Variants in DNAJC15 observed in about 807,000 individuals in gnomAD.
The protein encoded by DNAJC15 is dnaJ homolog subfamily C member 15.
A neutral mutation model predicts 22.4 loss-of-function variants in DNAJC15; 27 were observed. That is an observed-to-expected ratio of 1.20 (90% CI 0.89 to 1.66). The LOEUF is 1.66. DNAJC15 is among the 40% of genes most tolerant of loss of function. The pLI is 0.00. For synonymous variants in DNAJC15, 79 were observed against 63.2 expected, an observed-to-expected ratio of 1.25 and a Z score of -1.19; for missense variants, 208 against 187.1, an observed-to-expected ratio of 1.11 and a Z score of -0.65.
At chr13:43,085,136 G>A (rs1321648642) in intron 4 of DNAJC15, among the ~76,000 whole-genome samples, 1 of 152,084 alleles carries the variant, frequency 6.6e-6, no homozygotes, top group East Asian at 1.9e-4. Context: ...GGCCAAGGTG[G>A]GTGGATCACG....
At chr13:43,054,648 C>T (rs2040520880) in intron 1 of DNAJC15, among the ~76,000 whole-genome samples, 1 of 152,014 alleles carries the variant, frequency 6.6e-6, no homozygotes, top group Admixed American at 6.6e-5. Context: ...TGTATATTTC[C>T]TGGAATTTAT....
intron 1 of DNAJC15, among the ~76,000 whole-genome samples, chr13:43,043,699 A>T (rs1437572326): frequency 6.6e-6 from 1 of 152,082 alleles, no homozygotes; most frequent in Non-Finnish European, 1.5e-5. Flanking sequence ...TCGCCCTTTT[A>T]TTTATTCACT....
At chr13:43,061,027 G>A (rs928678549) in intron 1 of DNAJC15, among the ~76,000 whole-genome samples, 1 of 152,204 alleles carries the variant, frequency 6.6e-6, no homozygotes, top group Non-Finnish European at 1.5e-5. Flanking sequence ...TTCCTGAGGA[G>A]TAGCAGAATA....
At chr13:43,070,454 TAA>T (rs199864394) in intron 3 of DNAJC15, among the ~76,000 whole-genome samples, 6 of 142,426 alleles carry the variant, frequency 4.2e-5, no homozygotes, top group African/African-American at 5.1e-5. Flanking sequence ...AGACACAGTG[TAA>T]AAAAAAAAAA....
At position 43,025,981 on chromosome 13, in the gene DNAJC15, T is replaced by C. The variant is rs138069681; in HGVS notation, c.108+2247T>C. 1.8e-3 allele frequency among the ~76,000 whole-genome samples: 274 copies of C among 152,348 alleles called. 2 individuals carry two copies. Among genetic ancestry groups the C allele is most frequent in the African/African-American group, 6.3e-3 (263 of 41,576 alleles). Reference sequence around the variant, plus strand: ...TTAGACATTACTACATTAGAAAACATAATGAAGTAATTATTAGTTGCTGTC... The same window carrying C: ...TTAGACATTACTACATTAGAAAACACAATGAAGTAATTATTAGTTGCTGTC... On this transcript the variant is annotated intron_variant, in intron 1 of 5. Coordinates refer to ENST00000379221, the MANE Select transcript of DNAJC15 (RefSeq NM_013238.3).
chr13:43,093,635 T>C (rs2040725692), intron 5 of DNAJC15, among the ~76,000 whole-genome samples: 1 of 152,172 alleles, frequency 6.6e-6, no homozygotes, highest in South Asian at 2.1e-4. Flanking sequence ...GTCTGGTCCC[T>C]AACTCCTGGA....
chr13:43,091,928 A>G (rs2040717278), intron 5 of DNAJC15, among the ~76,000 whole-genome samples: 1 of 152,186 alleles, frequency 6.6e-6, no homozygotes, highest in Non-Finnish European at 1.5e-5. Context: ...CATATGGTCA[A>G]TTTTGGGAAA....
chr13:43,097,241 C>A (rs992673269), intron 5 of DNAJC15, among the ~76,000 whole-genome samples: 8 of 152,232 alleles, frequency 5.3e-5, no homozygotes, highest in African/African-American at 1.9e-4. Context: ...AGACCTAAGG[C>A]AGTAAGTCAT....
rs1310559534 is a variant in DNAJC15 at position 43,109,353 on chromosome 13, G to A, written c.*2105G>A. 6.6e-6 allele frequency: 1 copy of A among 152,150 alleles called. No homozygotes were observed. Among genetic ancestry groups the A allele is most frequent in the African/African-American group, 2.4e-5 (1 of 41,414 alleles). 9.4% of individuals were successfully genotyped at this position (152,150 alleles called of 1,614,324 possible). On this transcript the variant is annotated 3_prime_UTR_variant, in exon 6 of 6. Coordinates refer to ENST00000379221, the MANE Select transcript of DNAJC15 (RefSeq NM_013238.3). Reference sequence around the variant, plus strand: ...CTTTACTCTGGAGCACTTGCATTTAGCAGGCATCATAAAGTTTTACGTACC... The same window carrying A: ...CTTTACTCTGGAGCACTTGCATTTAACAGGCATCATAAAGTTTTACGTACC...
intron 4 of DNAJC15, among the ~76,000 whole-genome samples, chr13:43,081,245 C>T (rs1316960241): frequency 6.6e-6 from 1 of 152,152 alleles, no homozygotes; most frequent in Non-Finnish European, 1.5e-5. Flanking sequence ...TAAGTCCTCA[C>T]TTAATATCAC....
At chr13:43,100,872 T>TTAGTA (rs1187000317) in intron 5 of DNAJC15, among the ~76,000 whole-genome samples, 1 of 152,214 alleles carries the variant, frequency 6.6e-6, no homozygotes, top group African/African-American at 2.4e-5. Flanking sequence ...GTATTTATTC[T>TTAGTA]TCATTTCTTA....
intron 5 of DNAJC15, 115 bp downstream of exon 5, chr13:43,085,953 T>C: frequency 1.1e-6 from 1 of 873,800 alleles, no homozygotes; most frequent in South Asian, 1.9e-5. Flanking sequence ...GCCACATGTA[T>C]TGTGATTTTT....
intron 1 of DNAJC15, among the ~76,000 whole-genome samples, chr13:43,046,233 T>G (rs2040476585): frequency 6.6e-6 from 1 of 152,222 alleles, no homozygotes; most frequent in African/African-American, 2.4e-5. Context: ...GTGAGACTTT[T>G]GAATATATTT....
At chr13:43,096,972 C>T (rs2040742682) in intron 5 of DNAJC15, among the ~76,000 whole-genome samples, 1 of 152,074 alleles carries the variant, frequency 6.6e-6, no homozygotes, top group Non-Finnish European at 1.5e-5. Flanking sequence ...CCTGGACTAC[C>T]CAGCTCAGAA....
rs1491210746 is a variant in DNAJC15, at chr13:43,107,290, CGA to C, written c.*43_*44del. On this transcript the variant is annotated 3_prime_UTR_variant, in exon 6 of 6. Transcript: ENST00000379221. Reference sequence around the variant, plus strand: ...TGAAGGAAAAAAAAAGAGGGGACTTCGAAAAAAAAAAAAGCCCTGCAAAATAT... The same window carrying C: ...TGAAGGAAAAAAAAAGAGGGGACTTCAAAAAAAAAAAGCCCTGCAAAATAT... 3.5e-3 allele frequency: 3,863 copies of C among 1,097,056 alleles called. 5 individuals carry two copies. The highest frequency in any genetic ancestry group is 0.017 in the South Asian group (866 of 51,164). The allele number at this position is 1,097,056 out of a possible 1,614,324, so 68.0% of individuals were successfully genotyped here.
intron 4 of DNAJC15, among the ~76,000 whole-genome samples, chr13:43,082,185 A>G (rs1036375864): frequency 2.3e-5 from 2 of 85,884 alleles, no homozygotes; most frequent in Non-Finnish European, 6.2e-5. Context: ...CAGTAGTAGA[A>G]AAAAAAAAAG....
intron 3 of DNAJC15, among the ~76,000 whole-genome samples, chr13:43,075,744 C>A (rs2040630935): frequency 6.6e-6 from 1 of 152,156 alleles, no homozygotes; most frequent in Non-Finnish European, 1.5e-5. Context: ...CTCACTGCAA[C>A]CTCCACCTCC....
At chr13:43,094,144 T>C (rs190762467) in intron 5 of DNAJC15, among the ~76,000 whole-genome samples, 1 of 152,372 alleles carries the variant, frequency 6.6e-6, no homozygotes, top group East Asian at 1.9e-4. Flanking sequence ...CAATGAACTT[T>C]CAAGGTCTAT....
At chr13:43,055,049 A>G (rs2040522741) in intron 1 of DNAJC15, among the ~76,000 whole-genome samples, 2 of 148,334 alleles carry the variant, frequency 1.3e-5, no homozygotes, top group Non-Finnish European at 3.0e-5. Flanking sequence ...TTAGGACATC[A>G]AGATAGAGAA....
Sources: allele counts gnomAD v4.1 joint callset (sites outside exome capture counted in the v4.1 genomes callset), GRCh38; gene constraint gnomAD v4.1.1; transcripts MANE v1.5; gene names NCBI Gene and HGNC (gene_info 2026-07-23, HGNC 2026-07-21).